Variants in TIA1 observed in about 807,000 individuals in gnomAD.
TIA1 encodes TIA1 cytotoxic granule associated RNA binding protein, also known as cytotoxic granule associated RNA binding protein TIA1.
Under a neutral mutation model 65.9 loss-of-function variants are expected in TIA1, and 23 were observed. The observed-to-expected ratio is 0.35, with a 90% CI of 0.25 to 0.49. The LOEUF (loss-of-function observed/expected upper bound fraction) is 0.49, where lower values mean the gene tolerates loss of function less well. Among genes scored for constraint, TIA1 ranks in the 20% least tolerant of loss-of-function variants. TIA1 has a pLI of 0.98. For synonymous variants in TIA1, 147 were observed against 149.4 expected, an observed-to-expected ratio of 0.98 and a Z score of 0.12; for missense variants, 371 against 477.9, an observed-to-expected ratio of 0.78 and a Z score of 2.09.
At chr2:70,214,287 CTACT>C in intron 12 of TIA1, 58 bp downstream of exon 12, 2 of 1,529,148 alleles carry the variant, frequency 1.3e-6, no homozygotes, top group Non-Finnish European at 1.8e-6. Flanking sequence ...AAATTTCTTC[CTACT>C]TAAAATTTCT....
upstream of TIA1, chr2:70,248,633 C>A (rs1272129864): frequency 5.7e-6 from 4 of 703,408 alleles, no homozygotes; most frequent in Admixed American, 2.6e-5. Context: ...GGCGGCGAGC[C>A]GGGAGCCTAG....
At chr2:70,215,582 G>C (rs1487144688) in intron 10 of TIA1, 88 bp from the exon 11 acceptor site, 2 of 1,255,466 alleles carry the variant, frequency 1.6e-6, no homozygotes, top group Non-Finnish European at 2.2e-6. Flanking sequence ...AGGTGAGTCT[G>C]AGGTAAAACA....
intron 7 of TIA1, among the ~76,000 whole-genome samples, chr2:70,221,805 T>C (rs927224085): frequency 1.3e-5 from 2 of 151,968 alleles, no homozygotes; most frequent in Non-Finnish European, 2.9e-5. Context: ...AAAATTTTTT[T>C]TTTTGAGACA....
chr2:70,214,385 C>T lies in TIA1; in HGVS notation c.998G>A (p.Gly333Glu). Reference protein sequence around the residue: ...MPNGWQVPAYGMYGQAWNQQG... With the variant: ...MPNGWQVPAYEMYGQAWNQQG... Reference sequence around the variant, plus strand: ...CTGGTTCCATGCCTGGCCATACATTCCATATGCAGGAACTTGCCAACCATT... The same window carrying T: ...CTGGTTCCATGCCTGGCCATACATTTCATATGCAGGAACTTGCCAACCATT... Residue 333 changes from glycine to glutamate, a missense_variant, in exon 12 of 13, where the codon GGA becomes GAA. Transcript: ENST00000433529. 1 of 1,613,664 alleles carries T rather than the reference C, an allele frequency of 6.2e-7. No homozygotes were observed.
At position 70,228,072 on chromosome 2, in the gene TIA1, C is replaced by T. The variant is rs61517716; in HGVS notation, c.311-250G>A. Among the ~76,000 whole-genome samples the T allele has an allele frequency of 0.061, 9,335 of 152,184 alleles. 362 individuals are homozygous for T. Among genetic ancestry groups the T allele is most frequent in the East Asian group, 0.18 (939 of 5,180 alleles). ...AAAGTGACATTTATATTTCTATTTA[C>T]AGTCAATTATTACACTGGTCTAAGA... On this transcript the variant is annotated intron_variant, in intron 5 of 12. Coordinates refer to ENST00000433529, the MANE Select transcript of TIA1 (RefSeq NM_022173.4).
At chr2:70,231,927 G>A (rs1190493931) in intron 2 of TIA1, among the ~76,000 whole-genome samples, 1 of 152,120 alleles carries the variant, frequency 6.6e-6, no homozygotes, top group Non-Finnish European at 1.5e-5. Context: ...TTCCCGCCAG[G>A]CGCAGTGGCT....
intron 7 of TIA1, among the ~76,000 whole-genome samples, chr2:70,222,888 T>C (rs1181347398): frequency 6.6e-6 from 1 of 152,246 alleles, no homozygotes; most frequent in African/African-American, 2.4e-5. Context: ...CGCTCCAGCC[T>C]GGGCAACAGA....
chr2:70,245,604 G>T (rs1403932237), intron 1 of TIA1, among the ~76,000 whole-genome samples: 4 of 152,080 alleles, frequency 2.6e-5, no homozygotes, highest in Non-Finnish European at 5.9e-5. Context: ...ATATGGAGAA[G>T]AGTAGTATAC....
intron 6 of TIA1, chr2:70,225,445 T>G: frequency 7.8e-7 from 1 of 1,282,726 alleles, no homozygotes; most frequent in Non-Finnish European, 1.0e-6. Context: ...AACCCAGCCA[T>G]GATAGCTAAA....
rs745461192 is a variant in TIA1 at position 70,212,490 on chromosome 2, C to T, written c.*229G>A. The T allele has an allele frequency of 6.9e-5, 26 of 375,922 alleles. No homozygotes were observed. The highest frequency in any genetic ancestry group is 6.0e-5 in the Non-Finnish European group (12 of 200,540). The allele number at this position is 375,922 out of a possible 1,614,324, so 23.3% of individuals were successfully genotyped here. A position where few individuals can be genotyped will look rare whatever the true frequency, so the allele number is the denominator to read the frequency against. Reference sequence around the variant, plus strand: ...GTGTTTGAAACAAGGATCTGAGAAACTTTATCAAAAAAGGTAATGAAGGCA... The same window carrying T: ...GTGTTTGAAACAAGGATCTGAGAAATTTTATCAAAAAAGGTAATGAAGGCA... On this transcript the variant is annotated 3_prime_UTR_variant, in exon 13 of 13. Coordinates refer to ENST00000433529, the MANE Select transcript of TIA1 (RefSeq NM_022173.4).
intron 6 of TIA1, chr2:70,225,174 C>G (rs1683272098): frequency 9.8e-7 from 1 of 1,023,334 alleles, no homozygotes; most frequent in African/African-American, 1.7e-5. Flanking sequence ...AATGTTAAAT[C>G]ATTGAAGAAA....
intron 7 of TIA1, among the ~76,000 whole-genome samples, chr2:70,219,478 A>G (rs1264997129): frequency 6.6e-6 from 1 of 152,154 alleles, no homozygotes; most frequent in African/African-American, 2.4e-5. Context: ...TTGAAATATG[A>G]AAACGAAATG....
intron 1 of TIA1, among the ~76,000 whole-genome samples, chr2:70,241,506 A>C (rs1673401673): frequency 6.6e-6 from 1 of 152,200 alleles, no homozygotes; most frequent in African/African-American, 2.4e-5. Context: ...AATTCTTTGG[A>C]TATACCTCCC....
chr2:70,216,603 CA>C (rs1269587593), intron 8 of TIA1, 104 bp from the exon 9 acceptor site: 47 of 1,321,520 alleles, frequency 3.6e-5, no homozygotes, highest in Admixed American at 1.7e-4. Context: ...TAACCTTGAT[CA>C]AAATGCTTAT....
intron 12 of TIA1, among the ~76,000 whole-genome samples, chr2:70,213,244 C>T (rs766528406): frequency 7.3e-5 from 11 of 150,946 alleles, no homozygotes; most frequent in African/African-American, 1.5e-4. Flanking sequence ...TTCCCTACAA[C>T]GAAAAAGGAA....
intron 1 of TIA1, among the ~76,000 whole-genome samples, chr2:70,239,261 T>C (rs942311630): frequency 3.9e-5 from 6 of 151,938 alleles, no homozygotes; most frequent in African/African-American, 1.5e-4. Flanking sequence ...CCCGGCTAGT[T>C]TTTTGTATTT....
intron 5 of TIA1, 86 bp downstream of exon 5, chr2:70,228,957 TCCTCCCGCCCCCCTCC>T: frequency 3.8e-6 from 4 of 1,059,378 alleles, no homozygotes; most frequent in South Asian, 3.4e-5. Context: ...AAATAATATC[TCCTCCCGCCCCCCTCC>T]CCCAAATATC....
intron 1 of TIA1, among the ~76,000 whole-genome samples, chr2:70,246,859 C>T (rs1428772294): frequency 6.6e-6 from 1 of 152,116 alleles, no homozygotes; most frequent in East Asian, 1.9e-4. Flanking sequence ...GCACTCTAGC[C>T]TTGCAGCCTG....
chr2:70,214,626 G>C, intron 11 of TIA1, 132 bp from the exon 12 acceptor site: 1 of 424,358 alleles, frequency 2.4e-6, no homozygotes, highest in Non-Finnish European at 3.6e-6. Context: ...AACAAGAGTT[G>C]ACTGCTAAAA....
Sources: gnomAD v4.1 joint callset for allele counts (sites outside exome capture counted in the v4.1 genomes callset) on GRCh38, gnomAD v4.1.1 for gene constraint, MANE v1.5 for transcripts, NCBI Gene and HGNC (gene_info 2026-07-23, HGNC 2026-07-21) for gene names.